The following DCC variants were observed in gnomAD, a reference collection of about 807,000 sequenced individuals.
DCC encodes the protein DCC netrin 1 receptor, also known as netrin receptor DCC.
In DCC, 58 loss-of-function variants were observed where a neutral mutation model predicts 172.5. The observed-to-expected ratio is 0.34, with a 90% CI of 0.27 to 0.42. DCC has a LOEUF of 0.42. Among genes scored for constraint, DCC ranks in the 10% least tolerant of loss-of-function variants. DCC has a pLI of 1.00. For missense variants in DCC, 1,740 were observed against 1,791.0 expected (o/e 0.97, Z 0.51); for synonymous variants, 709 against 644.5 (o/e 1.10, Z -1.52).
At chr18:52,815,836 C>T (rs187953527) in intron 2 of DCC, among the ~76,000 whole-genome samples, 1 of 152,246 alleles carries the variant, frequency 6.6e-6, no homozygotes, top group Non-Finnish European at 1.5e-5. Context: ...ATCGACAACT[C>T]CAGCTGGATT....
chr18:52,959,304 A>G (rs757309272), intron 5 of DCC, among the ~76,000 whole-genome samples: 22 of 152,262 alleles, frequency 1.4e-4, no homozygotes, highest in Non-Finnish European at 2.6e-4. Context: ...CAGAGCATTC[A>G]TGTTTAAGCC....
intron 12 of DCC, among the ~76,000 whole-genome samples, chr18:53,227,294 C>T (rs1254565339): frequency 6.6e-6 from 1 of 151,994 alleles, no homozygotes; most frequent in Non-Finnish European, 1.5e-5. Context: ...TAAACTGAAT[C>T]TGATATATTT....
intron 1 of DCC, among the ~76,000 whole-genome samples, chr18:52,434,634 CTT>C (rs879515953): frequency 2.8e-5 from 4 of 142,110 alleles, no homozygotes; most frequent in Admixed American, 7.0e-5. Flanking sequence ...TTTAATTTTT[CTT>C]TTTTTTTTTT....
intron 12 of DCC, among the ~76,000 whole-genome samples, chr18:53,253,525 C>A (rs1236156555): frequency 1.3e-5 from 2 of 152,022 alleles, no homozygotes; most frequent in Non-Finnish European, 2.9e-5. Context: ...AAGTGGCGTA[C>A]CGCCTCAAAT....
intron 1 of DCC, among the ~76,000 whole-genome samples, chr18:52,652,440 A>T (rs925054379): frequency 6.6e-6 from 1 of 152,142 alleles, no homozygotes; most frequent in Admixed American, 6.5e-5. Context: ...TTTTCAATAC[A>T]GTCATTGGAA....
Position 52,752,365 on chromosome 18 carries a change from G to A in DCC, c.403G>A (p.Ala135Thr), listed in dbSNP as rs1277107032. 2 of 1,613,656 alleles carry A rather than the reference G, an allele frequency of 1.2e-6. No individual in the cohort carries two copies. The highest frequency in any genetic ancestry group is 8.5e-7 in the Non-Finnish European group (1 of 1,179,528). Residue 135 changes from alanine (A) to threonine (T), a missense_variant, in exon 2 of 29, where the codon GCA becomes ACA. This residue lies in a region of DCC where 1,732 missense variants were observed against 1,767.4 expected (regional missense o/e 0.98). Transcript: ENST00000442544. ...AATTATTAGTCGGACAGCAAAAGTT[G>A]CAGTAGCAGGTAGGTGGATTCTTCC... ...GSIISRTAKV[A>T]VAGPLRFLSQ...
chr18:53,013,034 A>G (rs1199259813), intron 5 of DCC, among the ~76,000 whole-genome samples: 1 of 152,174 alleles, frequency 6.6e-6, no homozygotes. Context: ...ACCATTTCAT[A>G]CCGTTAGAAT....
chr18:52,709,779 G>A (rs28699480), intron 1 of DCC, among the ~76,000 whole-genome samples: 3,376 of 152,236 alleles, frequency 0.022, 121 homozygotes, highest in African/African-American at 0.076. Context: ...TAGAAAAATG[G>A]GGAAATTATA....
chr18:52,780,294 A>G (rs2044048799), intron 2 of DCC, among the ~76,000 whole-genome samples: 1 of 152,186 alleles, frequency 6.6e-6, no homozygotes. Context: ...TTAGCTTGAC[A>G]TTCTTTTGAA....
chr18:52,681,986 T>A (rs1173486351), intron 1 of DCC, among the ~76,000 whole-genome samples: 1 of 152,170 alleles, frequency 6.6e-6, no homozygotes, highest in African/African-American at 2.4e-5. Flanking sequence ...ATGTTTTCAA[T>A]GTGGTTTATT....
intron 5 of DCC, among the ~76,000 whole-genome samples, chr18:52,926,781 C>CTA (rs1460910717): frequency 2.2e-4 from 32 of 147,240 alleles, no homozygotes; most frequent in East Asian, 6.1e-4. Flanking sequence ...AAATTAGTCT[C>CTA]TATATATATA....
intron 5 of DCC, among the ~76,000 whole-genome samples, chr18:52,980,850 C>G (rs1291134713): frequency 6.6e-6 from 1 of 151,366 alleles, no homozygotes; most frequent in African/African-American, 2.4e-5. Context: ...TAGGCCATAT[C>G]AGAGAACTTC....
intron 1 of DCC, among the ~76,000 whole-genome samples, chr18:52,405,292 G>C (rs994662161): frequency 2.0e-5 from 3 of 148,332 alleles, no homozygotes; most frequent in Non-Finnish European, 3.0e-5. Flanking sequence ...GTGTAAAAGT[G>C]TTCCTATTTC....
chr18:53,505,414 G>A (rs1352090085), intron 27 of DCC: 3 of 151,954 alleles, frequency 2.0e-5, no homozygotes, highest in African/African-American at 4.9e-5. Context: ...GGGAGTTGGA[G>A]AGTGTGAGCA....
intron 1 of DCC, among the ~76,000 whole-genome samples, chr18:52,717,433 T>TTTTC (rs2036400778): frequency 7.7e-6 from 1 of 129,710 alleles, no homozygotes; most frequent in East Asian, 2.3e-4. Flanking sequence ...TAAATTTCTT[T>TTTTC]TTTTTTTTTT....
chr18:53,329,190 T>A (rs917358344), intron 14 of DCC, among the ~76,000 whole-genome samples: 6 of 152,174 alleles, frequency 3.9e-5, no homozygotes, highest in Non-Finnish European at 4.4e-5. Context: ...ACTAAAACAT[T>A]ATGCCAAATG....
At chr18:53,196,608 C>T (rs2144525549) in intron 9 of DCC, among the ~76,000 whole-genome samples, 1 of 151,968 alleles carries the variant, frequency 6.6e-6, no homozygotes, top group African/African-American at 2.4e-5. Flanking sequence ...CAAAAATATT[C>T]ATTAATATCT....
intron 1 of DCC, among the ~76,000 whole-genome samples, chr18:52,743,541 A>G (rs1178697368): frequency 2.0e-5 from 3 of 152,186 alleles, no homozygotes; most frequent in African/African-American, 7.2e-5. Flanking sequence ...TTGGGGCAAC[A>G]AAGGAATGAG....
intron 1 of DCC, among the ~76,000 whole-genome samples, chr18:52,436,447 C>T (rs537354569): frequency 4.6e-5 from 7 of 152,332 alleles, no homozygotes; most frequent in African/African-American, 1.4e-4. Flanking sequence ...GCTGCTCATG[C>T]TTTGTGGCAT....
Sources: allele counts gnomAD v4.1 joint callset (sites outside exome capture counted in the v4.1 genomes callset), GRCh38; gene constraint gnomAD v4.1.1; regional missense constraint gnomAD v4.1.1; transcripts MANE v1.5; gene names NCBI Gene and HGNC (gene_info 2026-07-23, HGNC 2026-07-21).